The following INPP4B variants were observed in gnomAD, a reference collection of about 807,000 sequenced individuals.
The protein encoded by INPP4B is inositol polyphosphate 4-phosphatase type II.
In INPP4B, 55 loss-of-function variants were observed where a neutral mutation model predicts 122.5. The observed-to-expected ratio is 0.45, with a 90% CI of 0.36 to 0.56. INPP4B has a LOEUF of 0.56. Among genes scored for constraint, INPP4B ranks in the 20% least tolerant of loss-of-function variants. INPP4B has a pLI of 0.00. For missense variants in INPP4B, 1,000 were observed against 1,097.7 expected (o/e 0.91, Z 1.26); for synonymous variants, 403 against 388.7 (o/e 1.04, Z -0.43).
At chr4:142,125,648 G>A (rs751896750) in intron 18 of INPP4B, among the ~76,000 whole-genome samples, 1 of 151,958 alleles carries the variant, frequency 6.6e-6, no homozygotes, top group Non-Finnish European at 1.5e-5. Flanking sequence ...CTCTTCTCCA[G>A]GAAGTCTTCC....
intron 13 of INPP4B, among the ~76,000 whole-genome samples, 171 bp from the exon 14 acceptor site, chr4:142,208,700 A>G (rs1028910249): frequency 6.6e-6 from 1 of 152,096 alleles, no homozygotes; most frequent in African/African-American, 2.4e-5. Context: ...AATTGTCTCA[A>G]TTATTCATAT....
chr4:142,845,089 A>T (rs1234596588), intron 1 of INPP4B, among the ~76,000 whole-genome samples: 1 of 152,186 alleles, frequency 6.6e-6, no homozygotes, highest in African/African-American at 2.4e-5. Context: ...AAAAGGAGTA[A>T]ATTTACATCC....
intron 25 of INPP4B, among the ~76,000 whole-genome samples, chr4:142,056,032 C>T (rs2152416967): frequency 6.6e-6 from 1 of 151,772 alleles, no homozygotes; most frequent in Non-Finnish European, 1.5e-5. Context: ...TCATAAGGAG[C>T]ACGTAGCCTA....
At chr4:142,109,140 CT>C (rs74562601) in intron 22 of INPP4B, among the ~76,000 whole-genome samples, 78,356 of 147,130 alleles carry the variant, frequency 0.53, 23,379 homozygotes, top group Non-Finnish European at 0.66. Flanking sequence ...GTAACCCTTC[CT>C]TTTTTTTTTT....
intron 6 of INPP4B, 71 bp from the exon 7 acceptor site, chr4:142,403,125 CAT>C: frequency 1.2e-6 from 1 of 802,404 alleles, no homozygotes; most frequent in South Asian, 1.4e-5. Context: ...GCAAGTGACA[CAT>C]GAGAATGCAG....
chr4:142,583,781 T>G (rs1333759675), intron 2 of INPP4B, among the ~76,000 whole-genome samples: 5 of 152,162 alleles, frequency 3.3e-5, no homozygotes, highest in Non-Finnish European at 7.4e-5. Flanking sequence ...ATAAAGTAAC[T>G]TTCAATTCTA....
At chr4:142,491,317 A>G (rs1329209108) in intron 2 of INPP4B, among the ~76,000 whole-genome samples, 1 of 152,208 alleles carries the variant, frequency 6.6e-6, no homozygotes, top group East Asian at 1.9e-4. Context: ...CATAGGGAAA[A>G]TGCTTATTGA....
intron 7 of INPP4B, among the ~76,000 whole-genome samples, chr4:142,337,540 TTAA>T (rs1295072068): frequency 6.6e-6 from 1 of 151,022 alleles, no homozygotes; most frequent in Non-Finnish European, 1.5e-5. Context: ...TATCTGATTA[TTAA>T]TGAGGTCGAT....
intron 12 of INPP4B, among the ~76,000 whole-genome samples, chr4:142,212,004 C>G (rs1845109862): frequency 6.6e-6 from 1 of 151,994 alleles, no homozygotes; most frequent in Admixed American, 6.6e-5. Context: ...CACCATTGAG[C>G]AAGTGGTCAA....
chr4:142,623,861 T>C (rs980658147), intron 2 of INPP4B, among the ~76,000 whole-genome samples: 3 of 152,038 alleles, frequency 2.0e-5, no homozygotes, highest in Admixed American at 6.6e-5. Flanking sequence ...GAATGATGAT[T>C]TCCAGTTTCA....
In INPP4B at chr4:142,408,485, G is replaced by A. The variant is rs568330852; in HGVS notation, c.137-3161C>T. On this transcript the variant is annotated intron_variant, in intron 5 of 25. Coordinates refer to ENST00000262992, the MANE Select transcript of INPP4B (RefSeq NM_001101669.3). Reference sequence around the variant, plus strand: ...CAAGAATTGCTTGAACCCCAGGGGCGGAGGTTGCAGTGAGCTGAGATCACA... The same window carrying A: ...CAAGAATTGCTTGAACCCCAGGGGCAGAGGTTGCAGTGAGCTGAGATCACA... Among the ~76,000 whole-genome samples the A allele has an allele frequency of 1.9e-3, 286 of 152,224 alleles. 1 individual carries two copies. Among genetic ancestry groups the A allele is most frequent in the African/African-American group, 6.5e-3 (271 of 41,536 alleles).
intron 7 of INPP4B, among the ~76,000 whole-genome samples, chr4:142,398,401 A>AATATATAT (rs1206023677): frequency 2.4e-3 from 68 of 28,300 alleles, no homozygotes; most frequent in East Asian, 9.3e-3. Flanking sequence ...AAAAAAAAAA[A>AATATATAT]ATATATATAT....
chr4:142,388,759 G>C (rs529159037), intron 7 of INPP4B, among the ~76,000 whole-genome samples: 35 of 152,156 alleles, frequency 2.3e-4, no homozygotes, highest in Non-Finnish European at 4.6e-4. Context: ...TTGGCTTTGG[G>C]CTGCCATGCA....
At chr4:142,279,254 A>G (rs1242185172) in intron 9 of INPP4B, among the ~76,000 whole-genome samples, 2 of 151,990 alleles carry the variant, frequency 1.3e-5, no homozygotes, top group Non-Finnish European at 2.9e-5. Flanking sequence ...GATTTAATGT[A>G]ATACCAATCA....
chr4:142,810,759 C>T (rs1257720271), intron 1 of INPP4B, among the ~76,000 whole-genome samples: 1 of 152,166 alleles, frequency 6.6e-6, no homozygotes, highest in East Asian at 1.9e-4. Context: ...ATTAGTCTCA[C>T]ATTGTAATCC....
At chr4:142,617,594 AT>A (rs370899658) in intron 2 of INPP4B, among the ~76,000 whole-genome samples, 36 of 152,234 alleles carry the variant, frequency 2.4e-4, no homozygotes, top group African/African-American at 8.4e-4. Context: ...AGGCGCTGCC[AT>A]TAATTTCATA....
At position 142,467,362 on chromosome 4, in the gene INPP4B, G is replaced by A. The variant is rs144719974; in HGVS notation, c.-190-4636C>T. Among the ~76,000 whole-genome samples, 310 of 152,296 alleles carry A rather than the reference G, an allele frequency of 2.0e-3. 3 individuals are homozygous for A. The highest frequency in any genetic ancestry group is 1.7e-3 in the Non-Finnish European group (119 of 68,034). On this transcript the variant is annotated intron_variant, in intron 2 of 25. Coordinates refer to ENST00000262992, the MANE Select transcript of INPP4B (RefSeq NM_001101669.3). Reference sequence around the variant, plus strand: ...CCTCACACCAGGATGTGGGACATGAGGTCAAAGGAGATTGTTTTGAAGCTT... The same window carrying A: ...CCTCACACCAGGATGTGGGACATGAAGTCAAAGGAGATTGTTTTGAAGCTT...
chr4:142,806,278 C>CAAAAAAAAAAAAAAAAA (rs1175185594), intron 1 of INPP4B, among the ~76,000 whole-genome samples: 1 of 53,610 alleles, frequency 1.9e-5, no homozygotes, highest in African/African-American at 7.3e-5. Flanking sequence ...GACTCCGTCT[C>CAAAAAAAAAAAAAAAAA]AAAAAAAAAA....
At chr4:142,442,265 A>C (rs1000890961) in intron 3 of INPP4B, among the ~76,000 whole-genome samples, 1 of 151,952 alleles carries the variant, frequency 6.6e-6, no homozygotes, top group Non-Finnish European at 1.5e-5. Context: ...TACAGAAATT[A>C]GCTGGACGTG....
Sources: gnomAD v4.1 joint callset for allele counts (sites outside exome capture counted in the v4.1 genomes callset) on GRCh38, gnomAD v4.1.1 for gene constraint, MANE v1.5 for transcripts, NCBI Gene and HGNC (gene_info 2026-07-23, HGNC 2026-07-21) for gene names.